RANBP2: variants seen among roughly 807,000 people sequenced by gnomAD.
RANBP2 encodes the protein RAN binding protein 2.
Under a neutral mutation model 303.6 loss-of-function variants are expected in RANBP2, and 57 were observed. The observed-to-expected ratio is 0.19, with a 90% CI of 0.15 to 0.23. The LOEUF (loss-of-function observed/expected upper bound fraction) is 0.23. RANBP2 is among the 10% of genes least tolerant of loss of function. The pLI is 1.00. For missense variants in RANBP2, 3,138 were observed against 3,780.8 expected (o/e 0.83, Z 4.46); for synonymous variants, 1,167 against 1,301.5 (o/e 0.90, Z 2.23).
the RANBP2 span, chr2:109,585,456 G>A: frequency 5.3e-6 from 4 of 749,044 alleles, no homozygotes; most frequent in East Asian, 5.3e-5. Context: ...TACACACTAC[G>A]GCTGGTCCCC....
At chr2:109,683,630 T>C in the RANBP2 span, among the ~76,000 whole-genome samples, 1 of 152,130 alleles carries the variant, frequency 6.6e-6, no homozygotes, top group Non-Finnish European at 1.5e-5. Context: ...CCGGCCGTAC[T>C]GCTCCACCGA....
In RANBP2 at chr2:108,765,227, G is replaced by A. The variant is rs1677036383; in HGVS notation, c.4688G>A (p.Cys1563Tyr). The stretch of plus-strand genomic sequence containing the variant: ...CGAAATGAAGCAAATGCTACAAGAT[G>A]TGTTGCTTGTCAGAATCCGGATAAA... Reference protein sequence around the residue: ...LVRNEANATRCVACQNPDKPS... With the variant: ...LVRNEANATRYVACQNPDKPS... Residue 1563 changes from cysteine (C) to tyrosine (Y), a missense_variant, in exon 20 of 29, where the codon TGT (cysteine) becomes TAT (tyrosine). By Grantham distance (194) the Cys-to-Tyr change is radical. Around this residue, in one of 20 missense-constraint regions of RANBP2, gnomAD observed 388 missense variants for 328.5 expected, o/e 1.18. Transcript: ENST00000283195. The A allele has an allele frequency of 5.6e-6, 9 of 1,614,164 alleles. No homozygotes were observed. Among genetic ancestry groups the A allele is most frequent in the Non-Finnish European group, 6.8e-6 (8 of 1,180,000 alleles).
At chr2:109,156,738 C>T in the RANBP2 span, among the ~76,000 whole-genome samples, 173 of 152,162 alleles carry the variant, frequency 1.1e-3, 1 homozygote, top group Middle Eastern at 3.4e-3. Context: ...CCACCGTGCC[C>T]GGCCTGAATT....
chr2:108,998,072 G>A, the RANBP2 span, among the ~76,000 whole-genome samples: 124 of 152,210 alleles, frequency 8.1e-4, no homozygotes, highest in Middle Eastern at 3.4e-3. Context: ...TCAGTCTACC[G>A]GAACTGTTGC....
At chr2:109,149,187 C>A in the RANBP2 span, among the ~76,000 whole-genome samples, 1 of 152,106 alleles carries the variant, frequency 6.6e-6, no homozygotes, top group African/African-American at 2.4e-5. Context: ...CAGGGCAGGG[C>A]CACACTGCTG....
the RANBP2 span, among the ~76,000 whole-genome samples, chr2:109,446,686 A>G: frequency 3.9e-5 from 6 of 152,136 alleles, no homozygotes; most frequent in Non-Finnish European, 8.8e-5. Flanking sequence ...AGCCAGTCCT[A>G]TTGGCAGAGT....
the RANBP2 span, among the ~76,000 whole-genome samples, chr2:109,696,012 A>G: frequency 1.3e-5 from 2 of 151,414 alleles, no homozygotes; most frequent in Non-Finnish European, 2.9e-5. Context: ...TGCCCAGGCC[A>G]CAGTGCAGTG....
chr2:109,016,177 G>T, the RANBP2 span, among the ~76,000 whole-genome samples: 5 of 152,122 alleles, frequency 3.3e-5, no homozygotes, highest in African/African-American at 1.2e-4. Flanking sequence ...CGCCTCCCGG[G>T]TTCACGCCAT....
chr2:109,584,285 T>C, the RANBP2 span, among the ~76,000 whole-genome samples: 1 of 83,190 alleles, frequency 1.2e-5, no homozygotes, highest in Non-Finnish European at 2.4e-5. Flanking sequence ...GAGACCAGCC[T>C]GGCCAACAAG....
chr2:109,301,323 G>A, the RANBP2 span, among the ~76,000 whole-genome samples: 7 of 132,606 alleles, frequency 5.3e-5, no homozygotes, highest in Non-Finnish European at 7.7e-5. Flanking sequence ...GGCGGGCTGT[G>A]TATCTGTGTG....
the RANBP2 span, among the ~76,000 whole-genome samples, chr2:109,762,330 T>G: frequency 6.7e-6 from 1 of 150,282 alleles, no homozygotes; most frequent in African/African-American, 2.4e-5. Context: ...AGGTTTACAT[T>G]TAGAGATGTT....
the RANBP2 span, among the ~76,000 whole-genome samples, chr2:109,561,246 A>G: frequency 6.6e-6 from 1 of 151,978 alleles, no homozygotes; most frequent in Admixed American, 6.6e-5. Context: ...AGCCCTTTGT[A>G]TATGTCTTGC....
At chr2:108,790,666 A>G (rs1234730265), downstream of RANBP2, among the ~76,000 whole-genome samples, 1 of 152,238 alleles carries the variant, frequency 6.6e-6, no homozygotes, top group Non-Finnish European at 1.5e-5. Context: ...GCGCCACTGC[A>G]CTGCAACCTG....
chr2:109,019,981 G>A, the RANBP2 span, among the ~76,000 whole-genome samples: 20,580 of 152,198 alleles, frequency 0.14, 2,120 homozygotes, highest in African/African-American at 0.29. Flanking sequence ...CAGAGCCCAG[G>A]GAAAACAGGG....
At chr2:109,726,657 G>A in the RANBP2 span, among the ~76,000 whole-genome samples, 1 of 152,222 alleles carries the variant, frequency 6.6e-6, no homozygotes, top group South Asian at 2.1e-4. Context: ...AGGAGTCTTC[G>A]AGTTTTTTTA....
the RANBP2 span, chr2:109,732,602 G>A: frequency 7.4e-6 from 3 of 406,386 alleles, no homozygotes; most frequent in African/African-American, 2.1e-5. Flanking sequence ...TCAGCCTCTC[G>A]AGTAGCTGGG....
the RANBP2 span, among the ~76,000 whole-genome samples, chr2:109,671,888 T>A: frequency 1.4e-3 from 216 of 150,954 alleles, 1 homozygote; most frequent in Middle Eastern, 3.4e-3. Context: ...GCCATTTGAT[T>A]CCCACACCTG....
At chr2:109,035,557 C>T in the RANBP2 span, among the ~76,000 whole-genome samples, 1 of 149,710 alleles carries the variant, frequency 6.7e-6, no homozygotes, top group Non-Finnish European at 1.5e-5. Flanking sequence ...CAGGCACAGA[C>T]AAGCTCTAAG....
At chr2:109,006,716 G>C in the RANBP2 span, among the ~76,000 whole-genome samples, 1 of 152,122 alleles carries the variant, frequency 6.6e-6, no homozygotes, top group Admixed American at 6.5e-5. Context: ...AGGCCCCTCG[G>C]GCTGCGCAGA....
Sources: allele counts gnomAD v4.1 joint callset (sites outside exome capture counted in the v4.1 genomes callset), GRCh38; gene constraint gnomAD v4.1.1; regional missense constraint gnomAD v4.1.1; transcripts MANE v1.5; gene names NCBI Gene and HGNC (gene_info 2026-07-23, HGNC 2026-07-21).